The following NBPF26 variants were observed in gnomAD, a reference collection of about 807,000 sequenced individuals.
NBPF26 encodes NBPF member 26, also known as NBPF family member NBPF26.
NBPF26 carries 79 observed loss-of-function variants against 119.6 expected under a neutral mutation model. The ratio of observed to expected loss-of-function variants is 0.66; its 90% CI spans 0.55 to 0.80. The LOEUF is 0.80. NBPF26 is among the 30% of genes least tolerant of loss of function. The pLI, the probability that NBPF26 is intolerant of heterozygous loss-of-function variation, is 0.00. For missense variants in NBPF26, 800 were observed against 1,198.2 expected, an observed-to-expected ratio of 0.67 and a Z score of 4.91; for synonymous variants, 299 against 457.7, an observed-to-expected ratio of 0.65 and a Z score of 4.43.
chr1:120,790,717 A>C lies in NBPF26; in HGVS notation c.416-2444A>C, dbSNP rs1335529684. Among the ~76,000 whole-genome samples, 4 of 110,980 alleles carry C rather than the reference A, an allele frequency of 3.6e-5. 1 individual carries two copies. Among genetic ancestry groups the C allele is most frequent in the African/African-American group, 2.2e-4 (4 of 17,862 alleles). The allele number at this position is 110,980 out of a possible 152,430, so 72.8% of individuals were successfully genotyped here. The stretch of plus-strand genomic sequence containing the variant: ...TGGGTTCGAGTGATTCTTGTGCCTC[A>C]GCCTCCCAGGTAGCTGGGATTACAG... On this transcript the variant is annotated intron_variant, in intron 3 of 29. Transcript: ENST00000620612.
chr1:120,723,991 A>C lies in NBPF26; in HGVS notation c.-187A>C. ...TGAGGCGGCGGCCGAGGAGCGGCGG[A>C]CTCGGGGCGCGGGGAGTCGAGGCAT... On this transcript the variant is annotated 5_prime_UTR_variant, in exon 1 of 30. Transcript: ENST00000620612. 2 of 1,190,916 alleles carry C rather than the reference A, an allele frequency of 1.7e-6. 1 individual carries two copies. Among genetic ancestry groups the C allele is most frequent in the Non-Finnish European group, 2.1e-6 (2 of 952,966 alleles). The allele number at this position is 1,190,916 out of a possible 1,614,324, so 73.8% of individuals were successfully genotyped here. A position where few individuals can be genotyped will look rare whatever the true frequency, so the allele number is the denominator to read the frequency against.
At chr1:120,807,478 A>G (rs2101495203) in intron 5 of NBPF26, 129 bp from the exon 6 acceptor site, 1 of 479,338 alleles carries the variant, frequency 2.1e-6, no homozygotes, top group Non-Finnish European at 3.6e-6. Flanking sequence ...AGATGTGGAA[A>G]TCCCTGTCTA....
rs1297765050 is a variant in NBPF26 at position 120,823,310 on chromosome 1, A to T, written c.2589A>T (p.Arg863Ser). The change falls in exon 17 of 30, where the codon AGA (arginine) becomes AGT (serine). Residue 863 changes from arginine (R) to serine (S), a missense_variant and splice_region_variant. Physicochemically the swap from Arg to Ser is moderately radical, Grantham distance 110 (BLOSUM62 -1). This residue lies in a region of NBPF26 where 73 missense variants were observed against 50.7 expected (regional missense o/e 1.44). Coordinates refer to ENST00000620612, the Ensembl canonical transcript of NBPF26. ...GGGCCCATCTGAATTTATTTGCAGG[A>T]CATCGGTGGGATCAAGTGAAAAAGG... 1.4e-5 allele frequency: 19 copies of T among 1,391,728 alleles called. 2 individuals are homozygous for T. Among genetic ancestry groups the T allele is most frequent in the Non-Finnish European group, 1.7e-5 (18 of 1,041,642 alleles). 86.2% of individuals were successfully genotyped at this position (1,391,728 alleles called of 1,614,324 possible).
chr1:120,809,974 A>G (rs1651817866), intron 8 of NBPF26, 91 bp downstream of exon 8: 2 of 1,464,464 alleles, frequency 1.4e-6, no homozygotes, highest in East Asian at 2.2e-5. Context: ...GGTGGGCCAA[A>G]AGCCCACATC....
intron 4 of NBPF26, among the ~76,000 whole-genome samples, chr1:120,794,148 T>C (rs1222516806): frequency 8.7e-6 from 1 of 114,404 alleles, no homozygotes; most frequent in South Asian, 2.5e-4. Flanking sequence ...TGAGAGACTA[T>C]GTGTGGCACA....
chr1:120,809,830 TGAA>T, exon 8 of NBPF26: 1 of 1,512,348 alleles, frequency 6.6e-7, no homozygotes, highest in South Asian at 1.2e-5. Context: ...AAGATGAGGA[TGAA>T]GATGTTCAAG....
In NBPF26 at chr1:120,805,300, C is replaced by T. The variant is rs1553269567; in HGVS notation, c.752-256C>T. On this transcript the variant is annotated intron_variant, in intron 4 of 29. Transcript: ENST00000620612. Reference sequence around the variant, plus strand: ...CTAATTCTGTTATTGCAACTGCAGACGGTTACCTGGCACGCTGGCCACATT... The same window carrying T: ...CTAATTCTGTTATTGCAACTGCAGATGGTTACCTGGCACGCTGGCCACATT... 48 of 1,055,290 alleles carry T rather than the reference C, an allele frequency of 4.5e-5. 5 individuals are homozygous for T. The highest frequency in any genetic ancestry group is 1.2e-4 in the African/African-American group (5 of 40,738). 65.4% of individuals were successfully genotyped at this position (1,055,290 alleles called of 1,614,324 possible).
downstream of NBPF26, chr1:120,840,877 T>C: frequency 2.1e-6 from 1 of 472,412 alleles, no homozygotes; most frequent in Non-Finnish European, 3.5e-6. Flanking sequence ...AGCTACAAAA[T>C]TCCTCAGGGA....
In NBPF26 at chr1:120,793,815, C is replaced by T. The variant is rs1415176938; in HGVS notation, c.751+319C>T. On this transcript the variant is annotated intron_variant, in intron 4 of 29. Coordinates refer to ENST00000620612, the Ensembl canonical transcript of NBPF26. ...GGCAAGTCTGGAATGGAAAAGAACA[C>T]GATGAGAATTAGACACTGGAAAATA... 6.3e-4 allele frequency: 596 copies of T among 947,562 alleles called. 126 individuals carry two copies. The South Asian group carries it at 8.0e-3, about 13-fold the overall frequency. The allele number at this position is 947,562 out of a possible 1,614,324, so 58.7% of individuals were successfully genotyped here. A position where few individuals can be genotyped will look rare whatever the true frequency, so the allele number is the denominator to read the frequency against.
chr1:120,777,647 CT>C (rs1279579481), intron 2 of NBPF26, among the ~76,000 whole-genome samples: 1 of 21,806 alleles, frequency 4.6e-5, no homozygotes, highest in Non-Finnish European at 7.2e-5. Context: ...ATAGTATTTC[CT>C]TTTTTTCTTT....
intron 4 of NBPF26, among the ~76,000 whole-genome samples, chr1:120,801,912 T>C (rs1651587429): frequency 9.7e-6 from 1 of 103,256 alleles, no homozygotes; most frequent in South Asian, 2.9e-4. Flanking sequence ...TGTGAGGAAA[T>C]GTATTAGATG....
chr1:120,811,464 G>C lies in NBPF26; in HGVS notation c.1565-422G>C, dbSNP rs1249971973. On this transcript the variant is annotated intron_variant, in intron 9 of 29. Coordinates refer to ENST00000620612, the Ensembl canonical transcript of NBPF26. ...GCAGGCTGAGGGATGAGAATCACTT[G>C]AACCCGGGCGGCAGAGGTGGCAGTG... is the stretch of plus-strand genomic sequence containing the variant. Among the ~76,000 whole-genome samples, 6 of 112,322 alleles carry C rather than the reference G, an allele frequency of 5.3e-5. 1 individual carries two copies. Among genetic ancestry groups the C allele is most frequent in the African/African-American group, 2.6e-4 (5 of 19,288 alleles). The allele number at this position is 112,322 out of a possible 152,430, so 73.7% of individuals were successfully genotyped here.
intron 3 of NBPF26, among the ~76,000 whole-genome samples, chr1:120,787,198 TTA>T (rs1402724104): frequency 1.2e-5 from 1 of 82,916 alleles, no homozygotes. Context: ...TTGGCAATCT[TTA>T]TATATATATA....
Position 120,832,768 on chromosome 1 carries a change from TCTTATG to T in NBPF26, c.3263-104_3263-99del, listed in dbSNP as rs1458582231. On this transcript the variant is annotated intron_variant, in intron 22 of 29. Coordinates refer to ENST00000620612, the Ensembl canonical transcript of NBPF26. ...AAATATATCTCTCACAGTGTCCTAT[TCTTATG>T]CTGAGGAGCCTGAGGTCCCTGTGTG... is the stretch of plus-strand genomic sequence containing the variant. 48 of 573,778 alleles carry T rather than the reference TCTTATG, an allele frequency of 8.4e-5. No homozygotes were observed. The African/African-American group carries it at 1.4e-3, about 17-fold the overall frequency. The allele number at this position is 573,778 out of a possible 1,614,324, so 35.5% of individuals were successfully genotyped here.
chr1:120,805,469 C>G, intron 4 of NBPF26, 87 bp from the exon 5 acceptor site: 1 of 1,363,062 alleles, frequency 7.3e-7, no homozygotes, highest in Non-Finnish European at 1.0e-6. Context: ...GTAAGAATTT[C>G]AGTTACTGAC....
chr1:120,743,738 A>G lies in NBPF26; in HGVS notation c.73+19488A>G, dbSNP rs1650955324. The stretch of plus-strand genomic sequence containing the variant: ...TTTTGAGAACTAATGTAGAGTTTGA[A>G]AAAACACCGTAAGCCTGCATTCCAG... On this transcript the variant is annotated intron_variant, in intron 1 of 29. Coordinates refer to ENST00000620612, the Ensembl canonical transcript of NBPF26. Among the ~76,000 whole-genome samples, 2 of 118,026 alleles carry G rather than the reference A, an allele frequency of 1.7e-5. 1 individual carries two copies. The highest frequency in any genetic ancestry group is 3.4e-5 in the Non-Finnish European group (2 of 58,454). The allele number at this position is 118,026 out of a possible 152,430, so 77.4% of individuals were successfully genotyped here.
intron 2 of NBPF26, among the ~76,000 whole-genome samples, chr1:120,770,128 C>CT: frequency 9.6e-6 from 1 of 104,382 alleles, no homozygotes; most frequent in East Asian, 2.2e-4. Flanking sequence ...AGTAAGGGTC[C>CT]TGGAAGATCC....
chr1:120,752,566 T>A (rs1651034805), intron 1 of NBPF26, among the ~76,000 whole-genome samples: 2 of 25,438 alleles, frequency 7.9e-5, no homozygotes, highest in Non-Finnish European at 6.2e-5. Flanking sequence ...TTTTTTTTTT[T>A]TTTTTTTTCT....
At chr1:120,832,560 T>C (rs1305982927) in intron 22 of NBPF26, among the ~76,000 whole-genome samples, 2 of 116,460 alleles carry the variant, frequency 1.7e-5, no homozygotes, top group Non-Finnish European at 3.3e-5. Flanking sequence ...TTGCAGTTTT[T>C]CTCCTAGAAA....
Sources: allele counts gnomAD v4.1 joint callset (sites outside exome capture counted in the v4.1 genomes callset), GRCh38; gene constraint gnomAD v4.1.1; regional missense constraint gnomAD v4.1.1; transcripts MANE v1.5; gene names NCBI Gene and HGNC (gene_info 2026-07-23, HGNC 2026-07-21).